The following RBM20 variants were observed in gnomAD, a reference collection of about 807,000 sequenced individuals.
RBM20 encodes the protein RNA-binding protein 20.
Under a neutral mutation model 110.1 loss-of-function variants are expected in RBM20, and 51 were observed. That is an observed-to-expected ratio of 0.46 (90% CI 0.37 to 0.59). RBM20 has a LOEUF of 0.59. Among genes scored for constraint, RBM20 ranks in the 20% least tolerant of loss-of-function variants. The pLI is 0.00. For synonymous variants in RBM20, 589 were observed against 618.2 expected, an observed-to-expected ratio of 0.95 and a Z score of 0.70; for missense variants, 1,512 against 1,574.9, an observed-to-expected ratio of 0.96 and a Z score of 0.68.
chr10:110,740,351 T>G (rs1252768447), intron 1 of RBM20, among the ~76,000 whole-genome samples: 1 of 152,116 alleles, frequency 6.6e-6, no homozygotes, highest in African/African-American at 2.4e-5. Context: ...AAGTTGGGTG[T>G]TTTTGAATCA....
intron 6 of RBM20, among the ~76,000 whole-genome samples, chr10:110,798,942 G>T (rs898527974): frequency 6.6e-6 from 1 of 152,146 alleles, no homozygotes; most frequent in African/African-American, 2.4e-5. Context: ...AGTCAAAACG[G>T]TCTCTTTGGA....
In RBM20 at chr10:110,812,737, G is replaced by A; in HGVS notation, c.2340G>A (p.Gly780=). 1 of 1,551,756 alleles carries A rather than the reference G, an allele frequency of 6.4e-7. No individual in the cohort carries two copies. Among genetic ancestry groups the A allele is most frequent in the Non-Finnish European group, 8.7e-7 (1 of 1,147,006 alleles). The part of the protein sequence containing the change: ...KYLKQQQDAP[G]RSRRKDEARL... ...TGAAGCAGCAGCAGGATGCCCCCGGGAGGTCCAGGAGGAAAGACGAGGCCA... is the reference window on the plus strand; with the variant it reads ...TGAAGCAGCAGCAGGATGCCCCCGGAAGGTCCAGGAGGAAAGACGAGGCCA... The change falls in exon 9 of 14, where the codon GGG becomes GGA. Residue 780 remains glycine (G), a synonymous_variant. Transcript: ENST00000369519.
chr10:110,644,609 C>T lies in RBM20; in HGVS notation c.155C>T (p.Pro52Leu). ...CCGCCGCCGCCGCCCCAGCCACCGC[C>T]CCCGCCCCAAGCCGGCCTACCCCAG... is the stretch of plus-strand genomic sequence containing the variant. ...QQPPPPPQPP[P>L]PPQAGLPQII... Residue 52 changes from proline to leucine, a missense_variant, in exon 1 of 14, where the codon CCC (proline) becomes CTC (leucine). Physicochemically the swap from Pro to Leu is moderately conservative, Grantham distance 98. Transcript: ENST00000369519. This position sits in a 1 kb window ranked among gnomAD's most constrained non-coding sequence, Gnocchi z 4.3. 1.3e-6 allele frequency: 2 copies of T among 1,520,266 alleles called. No homozygotes were observed. Among genetic ancestry groups the T allele is most frequent in the Non-Finnish European group, 1.8e-6 (2 of 1,137,540 alleles). The allele number at this position is 1,520,266 out of a possible 1,614,324, so 94.2% of individuals were successfully genotyped here.
At chr10:110,761,332 A>G (rs1843999572) in intron 1 of RBM20, 1 of 144,190 alleles carries the variant, frequency 6.9e-6, no homozygotes, top group African/African-American at 2.6e-5. Context: ...ATGTTCTCCA[A>G]TAGGATTTCT....
chr10:110,773,606 A>C (rs796545111), intron 1 of RBM20, among the ~76,000 whole-genome samples: 102 of 152,350 alleles, frequency 6.7e-4, no homozygotes, highest in African/African-American at 2.2e-3. Flanking sequence ...GTTCAGAAGG[A>C]TGGAAAGAAA....
intron 1 of RBM20, among the ~76,000 whole-genome samples, chr10:110,659,743 T>G (rs1862074396): frequency 6.6e-6 from 1 of 151,712 alleles, no homozygotes; most frequent in Non-Finnish European, 1.5e-5. Context: ...TCCTTTCCTC[T>G]TCCTCTTCTT....
intron 7 of RBM20, 47 bp downstream of exon 7, chr10:110,799,965 A>G: frequency 6.5e-7 from 1 of 1,534,582 alleles, no homozygotes; most frequent in South Asian, 1.2e-5. Flanking sequence ...GCACCAGATG[A>G]GTTTCTCCTC....
In RBM20 at chr10:110,821,930, C is replaced by T. The variant is rs947386313; in HGVS notation, c.3311C>T (p.Thr1104Ile). Residue 1104 changes from threonine to isoleucine, a missense_variant, in exon 11 of 14, where the codon ACC becomes ATC. This residue lies in a region of RBM20 where 358 missense variants were observed against 384.2 expected (regional missense o/e 0.93). Transcript: ENST00000369519. Reference sequence around the variant, plus strand: ...AACCAAGCTTGCCAAGAAGTGTTGACCCCGGGTAACTATCTCCCCTTTCCT... The same window carrying T: ...AACCAAGCTTGCCAAGAAGTGTTGATCCCGGGTAACTATCTCCCCTTTCCT... ...LQNQACQEVL[T>I]PENSRYVEMK... is the part of the protein sequence containing the mutation. 1 of 1,551,552 alleles carries T rather than the reference C, an allele frequency of 6.4e-7. No individual in the cohort carries two copies. Among genetic ancestry groups the T allele is most frequent in the Non-Finnish European group, 8.7e-7 (1 of 1,146,924 alleles).
chr10:110,653,486 C>G lies in RBM20; in HGVS notation c.191+8841C>G, dbSNP rs947994191. Among the ~76,000 whole-genome samples the G allele has an allele frequency of 5.3e-5, 8 of 150,838 alleles. No homozygotes were observed. In the East Asian group the frequency reaches 1.5e-3, roughly 29 times the overall value. On this transcript the variant is annotated intron_variant, in intron 1 of 13. Coordinates refer to ENST00000369519, the MANE Select transcript of RBM20 (RefSeq NM_001134363.3). ...TTATTTAATTTTTTTCTAATAAACACTAGGTTTTTAACTTTCATTTGTCAG... is the reference window on the plus strand; with the variant it reads ...TTATTTAATTTTTTTCTAATAAACAGTAGGTTTTTAACTTTCATTTGTCAG...
chr10:110,762,127 A>G (rs1844013030), intron 1 of RBM20, among the ~76,000 whole-genome samples: 2 of 152,226 alleles, frequency 1.3e-5, no homozygotes, highest in Non-Finnish European at 2.9e-5. Flanking sequence ...TCAAATAACC[A>G]CATACTAGGC....
At position 110,799,768 on chromosome 10, in the gene RBM20, T is replaced by C. The variant is rs986149118; in HGVS notation, c.1669-19T>C. ...CCATTAAAGTCAAGTCCAGTGAGTG[T>C]CCTTCCTTTCTTTCTTAGGCCTTTT... On this transcript the variant is annotated intron_variant, in intron 6 of 13. Coordinates refer to ENST00000369519, the MANE Select transcript of RBM20 (RefSeq NM_001134363.3). 2 of 1,547,582 alleles carry C rather than the reference T, an allele frequency of 1.3e-6. No individual in the cohort carries two copies. The highest frequency in any genetic ancestry group is 1.7e-6 in the Non-Finnish European group (2 of 1,145,076).
intron 1 of RBM20, among the ~76,000 whole-genome samples, chr10:110,657,010 A>G (rs1862035337): frequency 6.7e-6 from 1 of 148,508 alleles, no homozygotes; most frequent in African/African-American, 2.5e-5. Context: ...TTGGTGGGTC[A>G]TATGGTAATT....
chr10:110,785,087 T>C (rs1201454878), intron 5 of RBM20, among the ~76,000 whole-genome samples, 198 bp downstream of exon 5: 1 of 152,200 alleles, frequency 6.6e-6, no homozygotes, highest in Non-Finnish European at 1.5e-5. Context: ...GCCAAAGTGC[T>C]AGGATTACAG....
chr10:110,780,623 T>G (rs1366161067), intron 1 of RBM20, among the ~76,000 whole-genome samples, 178 bp from the exon 2 acceptor site: 37 of 75,506 alleles, frequency 4.9e-4, no homozygotes, highest in Non-Finnish European at 1.0e-3. Flanking sequence ...CATTGGAGTT[T>G]TTTTTTTTTT....
chr10:110,831,935 A>G (rs557157304), intron 13 of RBM20, among the ~76,000 whole-genome samples: 1 of 152,316 alleles, frequency 6.6e-6, no homozygotes, highest in South Asian at 2.1e-4. Flanking sequence ...CACCCAGTCT[A>G]AGGTGCCATC....
intron 1 of RBM20, among the ~76,000 whole-genome samples, chr10:110,768,044 A>G (rs1844131257): frequency 6.6e-6 from 1 of 152,254 alleles, no homozygotes; most frequent in African/African-American, 2.4e-5. Flanking sequence ...CCCGGCCAAC[A>G]CAGCGAAACC....
rs543130523 is a variant in RBM20 at position 110,685,023 on chromosome 10, A to G, written c.191+40378A>G. The stretch of plus-strand genomic sequence containing the variant: ...CAAAAGCTTTAGCACAAGGAGAGCG[A>G]TCTGCCTGAATTGCGGTAGAGAGTG... On this transcript the variant is annotated intron_variant, in intron 1 of 13. Coordinates refer to ENST00000369519, the MANE Select transcript of RBM20 (RefSeq NM_001134363.3). Among the ~76,000 whole-genome samples the G allele has an allele frequency of 3.3e-4, 51 of 152,356 alleles. 1 individual carries two copies. In the South Asian group the frequency reaches 6.0e-3, roughly 18 times the overall value.
rs1204294471 is a variant in RBM20, at chr10:110,686,634, AT to A, written c.191+41990del. Among the ~76,000 whole-genome samples, 4 of 152,296 alleles carry A rather than the reference AT, an allele frequency of 2.6e-5. No homozygotes were observed. In the East Asian group the frequency reaches 5.8e-4, roughly 22 times the overall value. ...AGCCAGATGCTGTCTCTAAAAAAAA[AT>A]AATAAAATATAAATGGAAATTACAA... On this transcript the variant is annotated intron_variant, in intron 1 of 13. Coordinates refer to ENST00000369519, the MANE Select transcript of RBM20 (RefSeq NM_001134363.3).
chr10:110,735,593 C>T (rs1341776031), intron 1 of RBM20, among the ~76,000 whole-genome samples: 2 of 152,198 alleles, frequency 1.3e-5, no homozygotes, highest in Non-Finnish European at 2.9e-5. Context: ...GATCCTTGCA[C>T]ACCCATCTTG....
Sources: allele counts gnomAD v4.1 joint callset (sites outside exome capture counted in the v4.1 genomes callset), GRCh38; gene constraint gnomAD v4.1.1; regional missense constraint gnomAD v4.1.1; non-coding constraint Gnocchi (gnomAD v3.1); transcripts MANE v1.5; gene names NCBI Gene and HGNC (gene_info 2026-07-23, HGNC 2026-07-21).